SLC9A9: variants seen among roughly 807,000 people sequenced by gnomAD.
SLC9A9 encodes sodium/hydrogen exchanger 9.
A neutral mutation model predicts 77.8 loss-of-function variants in SLC9A9; 62 were observed. That is an observed-to-expected ratio of 0.80 (90% CI 0.65 to 0.98). The LOEUF (loss-of-function observed/expected upper bound fraction) is 0.98. Ranked by LOEUF, SLC9A9 falls within the 50% of genes least tolerant of loss-of-function variation. SLC9A9 has a pLI of 0.00. For synonymous variants in SLC9A9, 320 were observed against 283.5 expected, an observed-to-expected ratio of 1.13 and a Z score of -1.29; for missense variants, 775 against 774.9, an observed-to-expected ratio of 1.00 and a Z score of 0.00.
chr3:143,518,009 G>T, intron 9 of SLC9A9: 1 of 1,415,032 alleles, frequency 7.1e-7, no homozygotes, highest in South Asian at 1.1e-5. Flanking sequence ...TTCACTTGAC[G>T]GTTCTTCTGC....
chr3:143,716,602 C>G (rs1425698517), intron 4 of SLC9A9, among the ~76,000 whole-genome samples: 1 of 152,028 alleles, frequency 6.6e-6, no homozygotes, highest in Non-Finnish European at 1.5e-5. Context: ...AAGAAGGACA[C>G]TCAGAAAAAG....
intron 14 of SLC9A9, among the ~76,000 whole-genome samples, chr3:143,347,465 G>C (rs539123310): frequency 1.2e-4 from 18 of 152,222 alleles, no homozygotes; most frequent in Middle Eastern, 3.4e-3. Context: ...ACAGAATCTG[G>C]CATAAGAAAA....
At chr3:143,659,214 G>A (rs144909139) in intron 5 of SLC9A9, among the ~76,000 whole-genome samples, 3 of 152,140 alleles carry the variant, frequency 2.0e-5, no homozygotes, top group Non-Finnish European at 4.4e-5. Flanking sequence ...ATTAAAAAAG[G>A]CCTGTGGAGT....
intron 5 of SLC9A9, among the ~76,000 whole-genome samples, chr3:143,686,621 C>A (rs1041547377): frequency 6.6e-6 from 1 of 152,126 alleles, no homozygotes; most frequent in African/African-American, 2.4e-5. Flanking sequence ...CATATCTTTA[C>A]ACACCTTAAG....
intron 14 of SLC9A9, among the ~76,000 whole-genome samples, chr3:143,296,325 T>C (rs1356641829): frequency 2.0e-5 from 3 of 152,240 alleles, no homozygotes; most frequent in Non-Finnish European, 4.4e-5. Context: ...ATTTGTCCTT[T>C]TGTGACTGGC....
intron 5 of SLC9A9, among the ~76,000 whole-genome samples, chr3:143,654,499 G>T (rs915369867): frequency 1.3e-5 from 2 of 152,134 alleles, no homozygotes; most frequent in Middle Eastern, 3.2e-3. Flanking sequence ...TGGTGGGAGG[G>T]AACAAGCAAA....
At chr3:143,530,076 T>C (rs1342111797) in intron 9 of SLC9A9, among the ~76,000 whole-genome samples, 1 of 152,228 alleles carries the variant, frequency 6.6e-6, no homozygotes, top group Non-Finnish European at 1.5e-5. Context: ...CGTTGTAGCA[T>C]GCACTGTACT....
chr3:143,377,097 AAG>A (rs1169507258), intron 13 of SLC9A9, among the ~76,000 whole-genome samples: 4 of 152,330 alleles, frequency 2.6e-5, no homozygotes, highest in African/African-American at 9.6e-5. Context: ...AATATTCACA[AAG>A]AAAAATTTTA....
chr3:143,618,640 A>AT (rs907888643), intron 6 of SLC9A9, among the ~76,000 whole-genome samples: 10 of 152,276 alleles, frequency 6.6e-5, no homozygotes, highest in African/African-American at 1.9e-4. Context: ...TGACAGGAGA[A>AT]TGACCATTCT....
intron 6 of SLC9A9, 97 bp downstream of exon 6, chr3:143,652,158 T>TAG: frequency 1.0e-6 from 1 of 997,576 alleles, no homozygotes. Flanking sequence ...TGAAAAAAGC[T>TAG]AGAGACTGCC....
chr3:143,788,797 A>C (rs1478362975), intron 4 of SLC9A9, among the ~76,000 whole-genome samples: 1 of 151,776 alleles, frequency 6.6e-6, no homozygotes, highest in East Asian at 1.9e-4. Flanking sequence ...AAATATTTGC[A>C]AAATAAATGA....
intron 4 of SLC9A9, among the ~76,000 whole-genome samples, chr3:143,746,797 C>T (rs1935207437): frequency 6.6e-6 from 1 of 152,080 alleles, no homozygotes; most frequent in Non-Finnish European, 1.5e-5. Context: ...AAATGTCTTG[C>T]TTTCTCAGTC....
chr3:143,295,736 C>T (rs2030237332), intron 14 of SLC9A9, among the ~76,000 whole-genome samples: 1 of 152,114 alleles, frequency 6.6e-6, no homozygotes, highest in African/African-American at 2.4e-5. Context: ...TTCTTTCCTT[C>T]CCTCTCTTTC....
At chr3:143,710,189 TAC>T (rs1470100686) in intron 4 of SLC9A9, among the ~76,000 whole-genome samples, 1 of 152,206 alleles carries the variant, frequency 6.6e-6, no homozygotes, top group Non-Finnish European at 1.5e-5. Flanking sequence ...TACATTTATA[TAC>T]ACACACATAC....
At chr3:143,347,079 T>A (rs2032302497) in intron 14 of SLC9A9, 1 of 152,160 alleles carries the variant, frequency 6.6e-6, no homozygotes. Flanking sequence ...AATTCAACGA[T>A]CTTAACTTGG....
intron 5 of SLC9A9, among the ~76,000 whole-genome samples, chr3:143,670,484 G>A (rs911164643): frequency 2.6e-5 from 4 of 152,152 alleles, no homozygotes; most frequent in African/African-American, 9.7e-5. Context: ...TGACTCTAAG[G>A]GTTACCAAGA....
At chr3:143,707,464 ATTAGAT>A (rs1934016189) in intron 4 of SLC9A9, among the ~76,000 whole-genome samples, 1 of 152,156 alleles carries the variant, frequency 6.6e-6, no homozygotes, top group Admixed American at 6.5e-5. Context: ...AGTGATAGAA[ATTAGAT>A]TTAAACAAAT....
At chr3:143,456,473 T>C (rs956215843) in intron 12 of SLC9A9, among the ~76,000 whole-genome samples, 2 of 152,168 alleles carry the variant, frequency 1.3e-5, no homozygotes, top group Non-Finnish European at 1.5e-5. Context: ...GAATTAGTGT[T>C]GTATCTTCTT....
At chr3:143,343,926 A>G (rs1444989379) in intron 14 of SLC9A9, among the ~76,000 whole-genome samples, 2 of 152,194 alleles carry the variant, frequency 1.3e-5, no homozygotes, top group Non-Finnish European at 2.9e-5. Context: ...ATAGTGGTTT[A>G]CCTATCAAAT....
Sources: gnomAD v4.1 joint callset for allele counts (sites outside exome capture counted in the v4.1 genomes callset) on GRCh38, gnomAD v4.1.1 for gene constraint, MANE v1.5 for transcripts, NCBI Gene and HGNC (gene_info 2026-07-23, HGNC 2026-07-21) for gene names.